Variants in CCDC185 observed in about 807,000 individuals in gnomAD.
The protein encoded by CCDC185 is coiled-coil domain containing 185.
For missense variants in CCDC185, 982 were observed against 825.3 expected, an observed-to-expected ratio of 1.19 and a Z score of -2.33; for synonymous variants, 381 against 348.1, an observed-to-expected ratio of 1.09 and a Z score of -1.05.
rs1669624201 is a variant in CCDC185, at chr1:223,394,657, C to T, written c.1182C>T (p.Ser394=). The change falls in exon 1 of 1, where the codon AGC becomes AGT. Residue 394 remains serine, a synonymous_variant. Coordinates refer to ENST00000366875, the MANE Select transcript of CCDC185 (RefSeq NM_152610.3). ...TACGGAACCTCCGGGAGCAGCACAGCCTGCAGCTGCAGAGGAGGCTGGTGG... is the reference window on the plus strand; with the variant it reads ...TACGGAACCTCCGGGAGCAGCACAGTCTGCAGCTGCAGAGGAGGCTGGTGG... ...KMLRNLREQH[S]LQLQRRLVEA... 5.6e-6 allele frequency: 9 copies of T among 1,613,274 alleles called. No individual in the cohort carries two copies. The East Asian group carries it at 2.0e-4, about 36-fold the overall frequency.
In CCDC185 at chr1:223,394,684, A is replaced by C. The variant is rs757349886; in HGVS notation, c.1209A>C (p.Glu403Asp). Residue 403 changes from glutamate (E) to aspartate (D), a missense_variant, in exon 1 of 1, where the codon GAA (glutamate) becomes GAC (aspartate). Glu to Asp is a conservative substitution (Grantham distance 45). Transcript: ENST00000366875. Reference sequence around the variant, plus strand: ...TGCAGCTGCAGAGGAGGCTGGTGGAAGCCTGTCGCAAGAGGCACCTACATG... The same window carrying C: ...TGCAGCTGCAGAGGAGGCTGGTGGACGCCTGTCGCAAGAGGCACCTACATG... ...HSLQLQRRLVEACRKRHLHAV... is the reference protein window; with the variant it reads ...HSLQLQRRLVDACRKRHLHAV... 2 of 1,612,360 alleles carry C rather than the reference A, an allele frequency of 1.2e-6. No homozygotes were observed. Among genetic ancestry groups the C allele is most frequent in the Non-Finnish European group, 1.7e-6 (2 of 1,179,636 alleles).
chr1:223,395,179 G>A lies in CCDC185; in HGVS notation c.1704G>A (p.Lys568=). 6.2e-7 allele frequency: 1 copy of A among 1,614,096 alleles called. No homozygotes were observed. The highest frequency in any genetic ancestry group is 8.5e-7 in the Non-Finnish European group (1 of 1,180,020). Residue 568 remains lysine, a synonymous_variant, in exon 1 of 1, where the codon AAG becomes AAA. Transcript: ENST00000366875. ...GCATCAAGGAGGCCATTAAGAAAAA[G>A]GAGCAGAGGGTGCAGCACATTTCCC... The part of the protein sequence containing the change: ...IEGIKEAIKK[K]EQRVQHISQG...
At position 223,394,659 on chromosome 1, in the gene CCDC185, T is replaced by G. The variant is rs551972268; in HGVS notation, c.1184T>G (p.Leu395Arg). 31 of 1,613,064 alleles carry G rather than the reference T, an allele frequency of 1.9e-5. No homozygotes were observed. The highest frequency in any genetic ancestry group is 8.8e-5 in the South Asian group (8 of 91,046). The change falls in exon 1 of 1, where the codon CTG (leucine) becomes CGG (arginine). Residue 395 changes from leucine to arginine, a missense_variant. Leu to Arg is a moderately radical substitution (Grantham distance 102). Transcript: ENST00000366875. Reference protein sequence around the residue: ...MLRNLREQHSLQLQRRLVEAC... With the variant: ...MLRNLREQHSRQLQRRLVEAC... ...CGGAACCTCCGGGAGCAGCACAGCC[T>G]GCAGCTGCAGAGGAGGCTGGTGGAA...
chr1:223,393,716 G>A lies in CCDC185; in HGVS notation c.241G>A (p.Gly81Ser), dbSNP rs374873171. The part of the protein sequence containing the change: ...RRRGCSDSLR[G>S]SRSLSDVARR... ...GCGCGGGTGCTCAGATTCACTGCGG[G>A]GCAGCCGAAGCCTGAGCGATGTGGC... Residue 81 changes from glycine to serine, a missense_variant, in exon 1 of 1, where the codon GGC becomes AGC. Physicochemically the swap from Gly to Ser is moderately conservative, Grantham distance 56. Coordinates refer to ENST00000366875, the MANE Select transcript of CCDC185 (RefSeq NM_152610.3). This position sits in a 1 kb window ranked among gnomAD's most constrained non-coding sequence, Gnocchi z 4.8. The A allele has an allele frequency of 5.4e-5, 84 of 1,569,572 alleles. No homozygotes were observed. The African/African-American group carries it at 6.8e-4, about 13-fold the overall frequency.
rs773451734 is a variant in CCDC185 at position 223,394,146 on chromosome 1, G to A, written c.671G>A (p.Arg224Gln). The A allele has an allele frequency of 1.2e-5, 19 of 1,613,976 alleles. No individual in the cohort carries two copies. Among genetic ancestry groups the A allele is most frequent in the African/African-American group, 9.3e-5 (7 of 74,934 alleles). The change falls in exon 1 of 1, where the codon CGG becomes CAG. Residue 224 changes from arginine to glutamine, a missense_variant. Transcript: ENST00000366875. Reference protein sequence around the residue: ...SSDQVESLASRDSQPLASSKE... With the variant: ...SSDQVESLASQDSQPLASSKE... Reference sequence around the variant, plus strand: ...GACCAGGTTGAGTCATTAGCCAGCCGGGACTCCCAGCCCTTGGCCTCCAGC... The same window carrying A: ...GACCAGGTTGAGTCATTAGCCAGCCAGGACTCCCAGCCCTTGGCCTCCAGC...
In CCDC185 at chr1:223,394,690, T is replaced by C. The variant is rs543797372; in HGVS notation, c.1215T>C (p.Cys405=). 1.2e-6 allele frequency: 2 copies of C among 1,612,146 alleles called. No homozygotes were observed. Among genetic ancestry groups the C allele is most frequent in the East Asian group, 2.2e-5 (1 of 44,792 alleles). The stretch of plus-strand genomic sequence containing the variant: ...TGCAGAGGAGGCTGGTGGAAGCCTG[T>C]CGCAAGAGGCACCTACATGCCGTGG... ...LQLQRRLVEA[C]RKRHLHAVEG... The change falls in exon 1 of 1, where the codon TGT becomes TGC. Residue 405 remains cysteine (C), a synonymous_variant. Coordinates refer to ENST00000366875, the MANE Select transcript of CCDC185 (RefSeq NM_152610.3).
Position 223,394,181 on chromosome 1 carries a change from C to G in CCDC185, c.706C>G (p.Arg236Gly), listed in dbSNP as rs777062819. Residue 236 changes from arginine to glycine, a missense_variant, in exon 1 of 1, where the codon CGG becomes GGG. Arg to Gly is a moderately radical substitution (Grantham distance 125, BLOSUM62 -2). Coordinates refer to ENST00000366875, the MANE Select transcript of CCDC185 (RefSeq NM_152610.3). The part of the protein sequence containing the change: ...SQPLASSKEM[R>G]SPHTQVLKSK... ...GCCCTTGGCCTCCAGCAAAGAGATG[C>G]GGAGCCCGCACACCCAGGTCCTGAA... 12 of 1,613,892 alleles carry G rather than the reference C, an allele frequency of 7.4e-6. No individual in the cohort carries two copies. In the East Asian group the frequency reaches 2.7e-4, roughly 36 times the overall value.
rs148642385 is a variant in CCDC185, at chr1:223,394,756, C to T, written c.1281C>T (p.Leu427=). 4.3e-6 allele frequency: 7 copies of T among 1,612,132 alleles called. No individual in the cohort carries two copies. The highest frequency in any genetic ancestry group is 1.7e-5 in the Admixed American group (1 of 59,932). The part of the protein sequence containing the change: ...KKVQDTNLSS[L]INYQARKVLM... ...TCCAGGACACCAACCTGAGCTCCCT[C>T]ATCAATTACCAGGCCCGGAAGGTCC... Residue 427 remains leucine, a synonymous_variant, in exon 1 of 1, where the codon CTC becomes CTT. Transcript: ENST00000366875.
rs772367435 is a variant in CCDC185 at position 223,394,050 on chromosome 1, G to C, written c.575G>C (p.Arg192Pro). The part of the protein sequence containing the change: ...RWSPSSVPSE[R>P]SSVPSQKFKR... ...TCCCCTTCCTCAGTTCCCTCGGAGC[G>C]GTCTTCTGTGCCCTCGCAAAAGTTC... The change falls in exon 1 of 1, where the codon CGG becomes CCG. Residue 192 changes from arginine to proline, a missense_variant. Physicochemically the swap from Arg to Pro is moderately radical, Grantham distance 103 (BLOSUM62 -2). Transcript: ENST00000366875. The C allele has an allele frequency of 3.7e-6, 6 of 1,614,034 alleles. No homozygotes were observed. The highest frequency in any genetic ancestry group is 4.2e-6 in the Non-Finnish European group (5 of 1,180,048).
rs1669613126 is a variant in CCDC185 at position 223,394,118 on chromosome 1, A to G, written c.643A>G (p.Ser215Gly). The G allele has an allele frequency of 1.2e-6, 2 of 1,613,988 alleles. No individual in the cohort carries two copies. Among genetic ancestry groups the G allele is most frequent in the Admixed American group, 1.7e-5 (1 of 60,008 alleles). Reference protein sequence around the residue: ...ACVCAQKRDSSDQVESLASRD... With the variant: ...ACVCAQKRDSGDQVESLASRD... ...CGTGTGCGCCCAGAAGAGAGACAGC[A>G]GCGACCAGGTTGAGTCATTAGCCAG... The change falls in exon 1 of 1, where the codon AGC (serine) becomes GGC (glycine). Residue 215 changes from serine to glycine, a missense_variant. By Grantham distance (56) the Ser-to-Gly change is moderately conservative. Coordinates refer to ENST00000366875, the MANE Select transcript of CCDC185 (RefSeq NM_152610.3).
Position 223,394,048 on chromosome 1 carries a change from G to A in CCDC185, c.573G>A (p.Glu191=), listed in dbSNP as rs903398612. 11 of 1,614,056 alleles carry A rather than the reference G, an allele frequency of 6.8e-6. No individual in the cohort carries two copies. Among genetic ancestry groups the A allele is most frequent in the Admixed American group, 3.3e-5 (2 of 60,016 alleles). ...GGTCCCCTTCCTCAGTTCCCTCGGA[G>A]CGGTCTTCTGTGCCCTCGCAAAAGT... ...GRWSPSSVPS[E]RSSVPSQKFK... The change falls in exon 1 of 1, where the codon GAG becomes GAA. Residue 191 remains glutamate (E), a synonymous_variant. Coordinates refer to ENST00000366875, the MANE Select transcript of CCDC185 (RefSeq NM_152610.3).
In CCDC185 at chr1:223,394,448, C is replaced by T. The variant is rs1459882158; in HGVS notation, c.973C>T (p.Pro325Ser). 6.4e-7 allele frequency: 1 copy of T among 1,571,922 alleles called. No individual in the cohort carries two copies. Among genetic ancestry groups the T allele is most frequent in the East Asian group, 2.3e-5 (1 of 42,556 alleles). ...GGAGCAGCGCAAGACCCTCCAGAGC[C>T]CTGAGCAGCGCGGCCTGCGGCGGGA... ...EKEQRKTLQS[P>S]EQRGLRRDSQ... Residue 325 changes from proline (P) to serine (S), a missense_variant, in exon 1 of 1, where the codon CCT (proline) becomes TCT (serine). Pro to Ser is a moderately conservative substitution (Grantham distance 74). Coordinates refer to ENST00000366875, the MANE Select transcript of CCDC185 (RefSeq NM_152610.3).
chr1:223,393,671 T>C lies in CCDC185; in HGVS notation c.196T>C (p.Phe66Leu), dbSNP rs1296750267. The part of the protein sequence containing the change: ...GACWLHPHCS[F>L]TPRPRRRGCS... ...GTGCTGGCTGCACCCGCACTGTTCG[T>C]TCACCCCGCGGCCTCGCAGGCGCGG... Residue 66 changes from phenylalanine (F) to leucine (L), a missense_variant, in exon 1 of 1, where the codon TTC (phenylalanine) becomes CTC (leucine). Physicochemically the swap from Phe to Leu is conservative, Grantham distance 22. Coordinates refer to ENST00000366875, the MANE Select transcript of CCDC185 (RefSeq NM_152610.3). The surrounding 1 kb of genome is among the most constrained non-coding windows in gnomAD (Gnocchi z 4.8). 6.4e-7 allele frequency: 1 copy of C among 1,568,924 alleles called. No individual in the cohort carries two copies. Among genetic ancestry groups the C allele is most frequent in the Admixed American group, 1.8e-5 (1 of 54,458 alleles).
Position 223,393,694 on chromosome 1 carries a change from C to A in CCDC185, c.219C>A (p.Arg73=). 1 of 1,573,516 alleles carries A rather than the reference C, an allele frequency of 6.4e-7. No individual in the cohort carries two copies. Residue 73 remains arginine (R), a synonymous_variant, in exon 1 of 1, where the codon CGC becomes CGA. Transcript: ENST00000366875. The surrounding 1 kb of genome is among the most constrained non-coding windows in gnomAD (Gnocchi z 4.8). ...CGTTCACCCCGCGGCCTCGCAGGCG[C>A]GGGTGCTCAGATTCACTGCGGGGCA... ...HCSFTPRPRR[R]GCSDSLRGSR...
chr1:223,393,737 G>A lies in CCDC185; in HGVS notation c.262G>A (p.Val88Met). Reference protein sequence around the residue: ...SLRGSRSLSDVARRPLERSRK... With the variant: ...SLRGSRSLSDMARRPLERSRK... ...GCGGGGCAGCCGAAGCCTGAGCGATGTGGCCCGCAGGCCCCTGGAACGTTC... is the reference window on the plus strand; with the variant it reads ...GCGGGGCAGCCGAAGCCTGAGCGATATGGCCCGCAGGCCCCTGGAACGTTC... Residue 88 changes from valine to methionine, a missense_variant, in exon 1 of 1, where the codon GTG becomes ATG. Physicochemically the swap from Val to Met is conservative, Grantham distance 21. Transcript: ENST00000366875. This position sits in a 1 kb window ranked among gnomAD's most constrained non-coding sequence, Gnocchi z 4.8. 1 of 1,566,246 alleles carries A rather than the reference G, an allele frequency of 6.4e-7. No homozygotes were observed. Among genetic ancestry groups the A allele is most frequent in the Non-Finnish European group, 8.6e-7 (1 of 1,158,522 alleles).
rs1669618153 is a variant in CCDC185, at chr1:223,394,412, T to C, written c.937T>C (p.Trp313Arg). The change falls in exon 1 of 1, where the codon TGG (tryptophan) becomes CGG (arginine). Residue 313 changes from tryptophan to arginine, a missense_variant. Physicochemically the swap from Trp to Arg is moderately radical, Grantham distance 101. Coordinates refer to ENST00000366875, the MANE Select transcript of CCDC185 (RefSeq NM_152610.3). ...RLLLRQSQEQ[W>R]QEKEQRKTLQ... ...GCTGCTGCGGCAGAGCCAGGAGCAG[T>C]GGCAGGAGAAGGAGCAGCGCAAGAC... is the stretch of plus-strand genomic sequence containing the variant. 2 of 1,567,958 alleles carry C rather than the reference T, an allele frequency of 1.3e-6. No individual in the cohort carries two copies. Among genetic ancestry groups the C allele is most frequent in the South Asian group, 1.2e-5 (1 of 86,032 alleles).
At position 223,394,891 on chromosome 1, in the gene CCDC185, C is replaced by G; in HGVS notation, c.1416C>G (p.Arg472=). 3.1e-6 allele frequency: 5 copies of G among 1,614,098 alleles called. No homozygotes were observed. The highest frequency in any genetic ancestry group is 4.2e-6 in the Non-Finnish European group (5 of 1,180,028). Residue 472 remains arginine, a synonymous_variant, in exon 1 of 1, where the codon CGC becomes CGG. Coordinates refer to ENST00000366875, the MANE Select transcript of CCDC185 (RefSeq NM_152610.3). ...IHQGLRKERQ[R]ELREKAQKEE... The stretch of plus-strand genomic sequence containing the variant: ...AGGGCCTGAGGAAGGAGCGGCAACG[C>G]GAGCTGAGGGAGAAGGCCCAGAAGG...
In CCDC185 at chr1:223,394,437, C is replaced by T. The variant is rs1669618670; in HGVS notation, c.962C>T (p.Thr321Ile). The change falls in exon 1 of 1, where the codon ACC becomes ATC. Residue 321 changes from threonine to isoleucine, a missense_variant. Thr to Ile is a moderately conservative substitution (Grantham distance 89). Coordinates refer to ENST00000366875, the MANE Select transcript of CCDC185 (RefSeq NM_152610.3). The stretch of plus-strand genomic sequence containing the variant: ...TGGCAGGAGAAGGAGCAGCGCAAGA[C>T]CCTCCAGAGCCCTGAGCAGCGCGGC... ...EQWQEKEQRKTLQSPEQRGLR... is the reference protein window; with the variant it reads ...EQWQEKEQRKILQSPEQRGLR... 1 of 1,568,710 alleles carries T rather than the reference C, an allele frequency of 6.4e-7. No homozygotes were observed. The highest frequency in any genetic ancestry group is 1.4e-5 in the African/African-American group (1 of 73,970).
At position 223,395,029 on chromosome 1, in the gene CCDC185, G is replaced by A. The variant is rs1190433497; in HGVS notation, c.1554G>A (p.Arg518=). Residue 518 remains arginine, a synonymous_variant, in exon 1 of 1, where the codon AGG becomes AGA. Transcript: ENST00000366875. ...ELADEKIRQA[R]SHVHKTTRDK... is the part of the protein sequence containing the mutation. ...CGGATGAGAAGATCCGACAGGCCAG[G>A]AGTCACGTGCACAAGACCACTAGGG... is the stretch of plus-strand genomic sequence containing the variant. The A allele has an allele frequency of 1.9e-6, 3 of 1,614,120 alleles. No homozygotes were observed. The East Asian group carries it at 6.7e-5, about 36-fold the overall frequency.
Sources: allele counts gnomAD v4.1 joint callset, GRCh38; gene constraint gnomAD v4.1.1; non-coding constraint Gnocchi (gnomAD v3.1); transcripts MANE v1.5; gene names NCBI Gene and HGNC (gene_info 2026-07-23, HGNC 2026-07-21).